Variants in SPATA16 observed in about 807,000 individuals in gnomAD.
SPATA16 encodes the protein spermatogenesis associated 16, also known as spermatogenesis-associated protein 16.
SPATA16 carries 36 observed loss-of-function variants against 63.3 expected under a neutral mutation model. The ratio of observed to expected loss-of-function variants is 0.57; its 90% CI spans 0.44 to 0.75. SPATA16 has a LOEUF of 0.75. Ranked by LOEUF, SPATA16 falls within the 30% of genes least tolerant of loss-of-function variation. The pLI, the probability that SPATA16 is intolerant of heterozygous loss-of-function variation, is 0.00. For missense variants in SPATA16, 646 were observed against 679.3 expected, an observed-to-expected ratio of 0.95 and a Z score of 0.54; for synonymous variants, 203 against 216.7, an observed-to-expected ratio of 0.94 and a Z score of 0.56.
At chr3:172,896,496 C>T (rs1414167905) in intron 10 of SPATA16, among the ~76,000 whole-genome samples, 1 of 152,184 alleles carries the variant, frequency 6.6e-6, no homozygotes, top group Non-Finnish European at 1.5e-5. Flanking sequence ...GCTGGGATTA[C>T]AGGCGTGAGC....
chr3:172,988,253 A>G (rs1734499310), intron 4 of SPATA16, among the ~76,000 whole-genome samples: 1 of 152,218 alleles, frequency 6.6e-6, no homozygotes, highest in Non-Finnish European at 1.5e-5. Context: ...AATGATACAC[A>G]TTTATCAGTT....
At chr3:173,059,084 GC>G (rs1736315379) in intron 2 of SPATA16, among the ~76,000 whole-genome samples, 1 of 152,032 alleles carries the variant, frequency 6.6e-6, no homozygotes, top group South Asian at 2.1e-4. Context: ...CATTCAGAAT[GC>G]CTGTGTGCTA....
At chr3:173,112,197 A>T (rs926214151) in intron 2 of SPATA16, among the ~76,000 whole-genome samples, 1 of 152,222 alleles carries the variant, frequency 6.6e-6, no homozygotes, top group Non-Finnish European at 1.5e-5. Flanking sequence ...TGTTATAGAA[A>T]CACCTGCTTA....
rs79668378 is a variant in SPATA16, at chr3:172,964,789, C to G, written c.934-7965G>C. 3.6e-3 allele frequency among the ~76,000 whole-genome samples: 553 copies of G among 152,266 alleles called. 3 individuals carry two copies. The highest frequency in any genetic ancestry group is 0.013 in the African/African-American group (540 of 41,560). ...GGTTGGGACAAAGACCTGGTGACTT[C>G]GTTCTCAAACTTGTACTGCTTTTTC... On this transcript the variant is annotated intron_variant, in intron 5 of 10. Transcript: ENST00000351008.
At chr3:173,015,862 GT>G (rs1735171643) in intron 4 of SPATA16, among the ~76,000 whole-genome samples, 5 of 1,202 alleles carry the variant, frequency 4.2e-3, no homozygotes, top group African/African-American at 6.7e-3. Flanking sequence ...CCCAAATGGG[GT>G]GTGTGTGTGT....
intron 4 of SPATA16, among the ~76,000 whole-genome samples, chr3:173,013,745 G>A (rs1735122453): frequency 6.6e-6 from 1 of 152,174 alleles, no homozygotes; most frequent in Non-Finnish European, 1.5e-5. Flanking sequence ...CTGCTCAGAG[G>A]CTCATGACCT....
chr3:173,000,500 A>G (rs1734792434), intron 4 of SPATA16, among the ~76,000 whole-genome samples: 1 of 152,096 alleles, frequency 6.6e-6, no homozygotes, highest in South Asian at 2.1e-4. Flanking sequence ...AAGTTCAAAT[A>G]TGATATGTTT....
At chr3:173,054,179 T>A (rs976467986) in intron 2 of SPATA16, among the ~76,000 whole-genome samples, 5 of 152,088 alleles carry the variant, frequency 3.3e-5, no homozygotes, top group African/African-American at 4.8e-5. Context: ...CCAGTAAAGA[T>A]AGATCTGAAC....
intron 10 of SPATA16, among the ~76,000 whole-genome samples, chr3:172,908,490 C>G (rs1370504608): frequency 6.6e-6 from 1 of 152,146 alleles, no homozygotes; most frequent in East Asian, 1.9e-4. Flanking sequence ...AGAGAAAATA[C>G]ATTTGTTTCA....
At chr3:172,931,533 C>T (rs542809446) in intron 6 of SPATA16, among the ~76,000 whole-genome samples, 2 of 152,308 alleles carry the variant, frequency 1.3e-5, no homozygotes, top group African/African-American at 4.8e-5. Flanking sequence ...CAGGTGTGAG[C>T]CACTGTGCCT....
At chr3:173,074,102 A>G (rs1736733609) in intron 2 of SPATA16, among the ~76,000 whole-genome samples, 1 of 152,164 alleles carries the variant, frequency 6.6e-6, no homozygotes, top group South Asian at 2.1e-4. Context: ...GTATTTATCC[A>G]ATGCCTATGC....
chr3:173,057,589 T>A (rs1736267392), intron 2 of SPATA16, among the ~76,000 whole-genome samples: 1 of 152,214 alleles, frequency 6.6e-6, no homozygotes, highest in Non-Finnish European at 1.5e-5. Context: ...TATAAGCCAA[T>A]GCTAGTGATA....
At chr3:173,067,153 G>A (rs750613602) in intron 2 of SPATA16, among the ~76,000 whole-genome samples, 19 of 151,556 alleles carry the variant, frequency 1.3e-4, no homozygotes, top group South Asian at 2.1e-4. Context: ...TGAATGAAGC[G>A]GACCTACAAG....
chr3:173,086,237 A>C (rs1013852740), intron 2 of SPATA16, among the ~76,000 whole-genome samples: 2 of 152,144 alleles, frequency 1.3e-5, no homozygotes, highest in South Asian at 2.1e-4. Flanking sequence ...CAGGAATTCA[A>C]CTTGTTCGTG....
At chr3:173,116,990 C>T in intron 2 of SPATA16, 130 bp downstream of exon 2, 1 of 989,864 alleles carries the variant, frequency 1.0e-6, no homozygotes, top group Non-Finnish European at 1.6e-6. Flanking sequence ...ACTGCAAAAT[C>T]CTAATATCAT....
intron 3 of SPATA16, among the ~76,000 whole-genome samples, chr3:173,023,230 T>G (rs1735377923): frequency 6.6e-6 from 1 of 151,680 alleles, no homozygotes; most frequent in African/African-American, 2.4e-5. Context: ...TAAGTCTATT[T>G]TGGTAATTAT....
intron 4 of SPATA16, among the ~76,000 whole-genome samples, chr3:172,998,371 G>A (rs2108264581): frequency 6.6e-6 from 1 of 152,214 alleles, no homozygotes; most frequent in East Asian, 1.9e-4. Flanking sequence ...GAAAGTGATT[G>A]ATTTTCTGTA....
intron 3 of SPATA16, among the ~76,000 whole-genome samples, chr3:173,029,424 T>TTTTC (rs3085797): frequency 1.3e-5 from 2 of 151,296 alleles, no homozygotes; most frequent in African/African-American, 4.9e-5. Flanking sequence ...TTTGTTTGTT[T>TTTTC]GTTTTGTTGT....
chr3:173,096,658 A>T (rs960685702), intron 2 of SPATA16, among the ~76,000 whole-genome samples: 1 of 148,930 alleles, frequency 6.7e-6, no homozygotes, highest in Non-Finnish European at 1.5e-5. Flanking sequence ...CACAGCTGAT[A>T]GGGGTGTAAT....
Sources: gnomAD v4.1 joint callset for allele counts (sites outside exome capture counted in the v4.1 genomes callset) on GRCh38, gnomAD v4.1.1 for gene constraint, MANE v1.5 for transcripts, NCBI Gene and HGNC (gene_info 2026-07-23, HGNC 2026-07-21) for gene names.